AGMO: variants seen among roughly 807,000 people sequenced by gnomAD.
AGMO encodes glyceryl-ether monooxygenase.
In AGMO, 75 loss-of-function variants were observed where a neutral mutation model predicts 60.2. The observed-to-expected ratio is 1.25, with a 90% CI of 1.03 to 1.51. The LOEUF is 1.51. Ranked by LOEUF, AGMO falls within the 40% of genes most tolerant of loss-of-function variation. The pLI, the probability that AGMO is intolerant of heterozygous loss-of-function variation, is 0.00. For missense variants in AGMO, 763 were observed against 525.5 expected (o/e 1.45, Z -4.42); for synonymous variants, 261 against 177.1 (o/e 1.47, Z -3.76).
At chr7:15,298,515 C>T (rs967234940) in intron 12 of AGMO, among the ~76,000 whole-genome samples, 10 of 152,090 alleles carry the variant, frequency 6.6e-5, no homozygotes, top group African/African-American at 2.2e-4. Flanking sequence ...TCACCTAAGC[C>T]TCCCAAGTAG....
At chr7:15,292,164 T>C (rs1243103467) in intron 12 of AGMO, among the ~76,000 whole-genome samples, 2 of 152,164 alleles carry the variant, frequency 1.3e-5, no homozygotes, top group African/African-American at 4.8e-5. Flanking sequence ...CAAGAGGTGA[T>C]GAGGGTTTAA....
chr7:15,420,328 A>G (rs1780892270), intron 4 of AGMO, among the ~76,000 whole-genome samples: 1 of 152,092 alleles, frequency 6.6e-6, no homozygotes, highest in Non-Finnish European at 1.5e-5. Flanking sequence ...TACTTTCTTG[A>G]TGAGTTTACC....
rs562569051 is a variant in AGMO at position 15,232,902 on chromosome 7, A to G, written c.1264-31543T>C. 2.6e-5 allele frequency among the ~76,000 whole-genome samples: 4 copies of G among 152,226 alleles called. No homozygotes were observed. The South Asian group carries it at 6.2e-4, about 24-fold the overall frequency. ...AGTCCTAGCAACAGCAAGTAGGAGG[A>G]AAGGAATTTAGGGTAAAAGAGGGAG... On this transcript the variant is annotated intron_variant, in intron 12 of 12. Coordinates refer to ENST00000342526, the MANE Select transcript of AGMO (RefSeq NM_001004320.2).
intron 6 of AGMO, 91 bp downstream of exon 6, chr7:15,394,022 T>A: frequency 1.1e-6 from 1 of 920,910 alleles, no homozygotes; most frequent in Non-Finnish European, 1.7e-6. Context: ...GCTGACTATA[T>A]TGGGAAATTG....
At chr7:15,345,517 C>T (rs759942667) in intron 12 of AGMO, among the ~76,000 whole-genome samples, 3 of 152,170 alleles carry the variant, frequency 2.0e-5, no homozygotes, top group African/African-American at 4.8e-5. Flanking sequence ...CTGTGCATAA[C>T]ATTGACATAG....
At chr7:15,236,252 A>G (rs1446666460) in intron 12 of AGMO, among the ~76,000 whole-genome samples, 2 of 152,152 alleles carry the variant, frequency 1.3e-5, no homozygotes, top group Non-Finnish European at 2.9e-5. Context: ...CTCTGTCTAG[A>G]AATAATTAAC....
chr7:15,324,985 T>TAAAATTA (rs1212860092), intron 12 of AGMO, among the ~76,000 whole-genome samples: 11 of 152,070 alleles, frequency 7.2e-5, no homozygotes, highest in Middle Eastern at 3.4e-3. Flanking sequence ...CAAACCAAAG[T>TAAAATTA]AAAATTAAAA....
intron 12 of AGMO, among the ~76,000 whole-genome samples, chr7:15,231,706 A>G (rs1430259138): frequency 6.6e-6 from 1 of 152,172 alleles, no homozygotes; most frequent in East Asian, 1.9e-4. Context: ...TTACTAAATT[A>G]TTTGTAAGGA....
intron 10 of AGMO, among the ~76,000 whole-genome samples, chr7:15,378,260 T>G (rs66607690): frequency 0.41 from 62,142 of 151,846 alleles, 13,657 homozygotes; most frequent in African/African-American, 0.57. Context: ...GTTTAAAATT[T>G]GGGTTCCTAT....
intron 2 of AGMO, among the ~76,000 whole-genome samples, chr7:15,553,901 T>A (rs1785051473): frequency 6.6e-6 from 1 of 151,784 alleles, no homozygotes; most frequent in South Asian, 2.1e-4. Context: ...CCCCACCACA[T>A]CCCACACACA....
intron 12 of AGMO, among the ~76,000 whole-genome samples, chr7:15,205,829 C>G (rs1781425449): frequency 6.6e-6 from 1 of 151,644 alleles, no homozygotes; most frequent in Non-Finnish European, 1.5e-5. Context: ...AAATGTATAC[C>G]CTGGCCCTAA....
chr7:15,362,947 T>C (rs935420086), intron 12 of AGMO, among the ~76,000 whole-genome samples: 2 of 152,198 alleles, frequency 1.3e-5, no homozygotes, highest in Non-Finnish European at 2.9e-5. Context: ...CTGAGTTTGT[T>C]CCCTGACTTA....
chr7:15,381,997 G>C (rs73066534), intron 10 of AGMO, among the ~76,000 whole-genome samples: 25,781 of 151,956 alleles, frequency 0.17, 2,329 homozygotes, highest in African/African-American at 0.21. Flanking sequence ...CACGTAAGAG[G>C]AACAACACAC....
intron 12 of AGMO, among the ~76,000 whole-genome samples, chr7:15,241,583 T>C (rs1282021222): frequency 6.7e-6 from 1 of 149,076 alleles, no homozygotes; most frequent in East Asian, 2.0e-4. Context: ...TGTCCTTCCC[T>C]CCATCCTAGT....
chr7:15,357,290 G>C (rs1375731855), intron 12 of AGMO, among the ~76,000 whole-genome samples: 1 of 150,772 alleles, frequency 6.6e-6, no homozygotes, highest in African/African-American at 2.4e-5. Context: ...AAACATTGTT[G>C]AGGACAGTCT....
intron 3 of AGMO, among the ~76,000 whole-genome samples, chr7:15,452,686 TAAG>T (rs1781886853): frequency 6.6e-6 from 1 of 152,186 alleles, no homozygotes; most frequent in African/African-American, 2.4e-5. Flanking sequence ...AGTTCTTCAA[TAAG>T]AAGAACAGTT....
At chr7:15,139,620 GA>G in the AGMO span, among the ~76,000 whole-genome samples, 15 of 146,158 alleles carry the variant, frequency 1.0e-4, no homozygotes, top group Non-Finnish European at 1.6e-4. Flanking sequence ...TGACATTATA[GA>G]TTTTTTTTTC....
intron 12 of AGMO, among the ~76,000 whole-genome samples, chr7:15,211,382 GGTGGTCATAA>G (rs1781584004): frequency 6.6e-6 from 1 of 152,036 alleles, no homozygotes; most frequent in African/African-American, 2.4e-5. Context: ...CTTTCTCGTT[GGTGGTCATAA>G]GTTAAAATGA....
At chr7:15,383,757 T>C (rs1012555675) in intron 10 of AGMO, among the ~76,000 whole-genome samples, 1 of 152,184 alleles carries the variant, frequency 6.6e-6, no homozygotes, top group Non-Finnish European at 1.5e-5. Context: ...ATTCTCTGTA[T>C]TCACTGAATG....
Sources: allele counts gnomAD v4.1 joint callset (sites outside exome capture counted in the v4.1 genomes callset), GRCh38; gene constraint gnomAD v4.1.1; transcripts MANE v1.5; gene names NCBI Gene and HGNC (gene_info 2026-07-23, HGNC 2026-07-21).